The following MTMR1 variants were observed in gnomAD, a reference collection of about 807,000 sequenced individuals.
The protein encoded by MTMR1 is phosphatidylinositol-3-phosphate phosphatase MTMR1.
Under a neutral mutation model 51.6 loss-of-function variants are expected in MTMR1, and 17 were observed. The ratio of observed to expected loss-of-function variants is 0.33; its 90% CI spans 0.23 to 0.49. The LOEUF is 0.49. MTMR1 is among the 20% of genes least tolerant of loss of function. The pLI is 0.99. For missense variants in MTMR1, 386 were observed against 526.9 expected, an observed-to-expected ratio of 0.73 and a Z score of 2.62; for synonymous variants, 201 against 205.6, an observed-to-expected ratio of 0.98 and a Z score of 0.19.
chrX:150,721,423 C>T (rs1327370567), intron 4 of MTMR1, among the ~76,000 whole-genome samples: 2 of 111,184 alleles, frequency 1.8e-5, no homozygotes, highest in Non-Finnish European at 3.8e-5. Flanking sequence ...TTCTTTTGTG[C>T]GAAGGTTTTT....
chrX:150,716,461 C>T (rs989867395), intron 3 of MTMR1, among the ~76,000 whole-genome samples: 2 of 112,792 alleles, frequency 1.8e-5, no homozygotes, highest in South Asian at 3.6e-4. Context: ...ATCCATTAAT[C>T]GTTCTCCACA....
At chrX:150,712,295 A>G in intron 2 of MTMR1, 47 bp from the exon 3 acceptor site, 1 of 1,120,121 alleles carries the variant, frequency 8.9e-7, no homozygotes, top group Non-Finnish European at 1.2e-6. Flanking sequence ...TTCACAGGTC[A>G]ATAGTAACAT....
intron 5 of MTMR1, 73 bp downstream of exon 5, chrX:150,727,382 GT>G: frequency 1.1e-6 from 1 of 901,075 alleles, no homozygotes; most frequent in East Asian, 3.3e-5. Context: ...AAAGTAAAAA[GT>G]CCCCTGAAAT....
Position 150,698,435 on chromosome X carries a change from C to G in MTMR1, c.147-760C>G, listed in dbSNP as rs185041905. Among the ~76,000 whole-genome samples, 357 of 111,708 alleles carry G rather than the reference C, an allele frequency of 3.2e-3. 2 individuals are homozygous for G. The highest frequency in any genetic ancestry group is 0.011 in the African/African-American group (338 of 30,702). On this transcript the variant is annotated intron_variant, in intron 1 of 15. Transcript: ENST00000445323. ...AAATCTCATGTTCAGCTTTACTTTT[C>G]TGAGTCACTTTGCTTCACTCAAAAG...
rs782603841 is a variant in MTMR1 at position 150,730,568 on chromosome X, G to C, written c.701G>C (p.Gly234Ala). The change falls in exon 8 of 16, where the codon GGC becomes GCC. Residue 234 changes from glycine (G) to alanine (A), a missense_variant. Coordinates refer to ENST00000445323, the MANE Select transcript of MTMR1 (RefSeq NM_001306144.3). ...FSYKEKFPIN[G>A]WKVYDPVSEY... ...TATAAAGAAAAATTTCCAATTAATGGCTGGAAAGTTTATGATCCAGTATCT... is the reference window on the plus strand; with the variant it reads ...TATAAAGAAAAATTTCCAATTAATGCCTGGAAAGTTTATGATCCAGTATCT... The C allele has an allele frequency of 8.5e-7, 1 of 1,170,460 alleles. No homozygotes were observed. The highest frequency in any genetic ancestry group is 1.8e-5 in the African/African-American group (1 of 56,861).
intron 3 of MTMR1, chrX:150,712,950 C>G: frequency 1.1e-6 from 1 of 945,253 alleles, no homozygotes; most frequent in South Asian, 2.3e-5. Flanking sequence ...TCAGAACATT[C>G]ATAAAGCAAG....
At chrX:150,696,196 T>C (rs1440043760) in intron 1 of MTMR1, among the ~76,000 whole-genome samples, 4 of 111,092 alleles carry the variant, frequency 3.6e-5, no homozygotes, top group Non-Finnish European at 7.6e-5. Flanking sequence ...TAAGTAGTTA[T>C]TGACACCAGG....
chrX:150,709,082 A>G (rs1335949932), intron 2 of MTMR1, among the ~76,000 whole-genome samples: 1 of 112,170 alleles, frequency 8.9e-6, no homozygotes, highest in Non-Finnish European at 1.9e-5. Context: ...GACTCCCCTC[A>G]TTTTATGTGT....
chrX:150,710,417 AGT>A (rs1325100618), intron 2 of MTMR1, among the ~76,000 whole-genome samples: 1 of 111,387 alleles, frequency 9.0e-6, no homozygotes, highest in African/African-American at 3.3e-5. Flanking sequence ...GCTGGAGTGC[AGT>A]GTGTGATCTC....
chrX:150,718,583 C>CTTTGTTT (rs1778071554), intron 3 of MTMR1, 42 bp from the exon 4 acceptor site: 1 of 278,395 alleles, frequency 3.6e-6, no homozygotes, highest in Admixed American at 2.1e-4. Context: ...CGTTTGGTGT[C>CTTTGTTT]CTTTTTTTTT....
chrX:150,745,081 A>G (rs1190409098), intron 13 of MTMR1, among the ~76,000 whole-genome samples: 1 of 112,781 alleles, frequency 8.9e-6, no homozygotes, highest in Non-Finnish European at 1.9e-5. Flanking sequence ...AAAGTAGGCC[A>G]TAAGGCCATA....
At chrX:150,711,856 G>A (rs887249757) in intron 2 of MTMR1, among the ~76,000 whole-genome samples, 2 of 111,997 alleles carry the variant, frequency 1.8e-5, no homozygotes, top group Non-Finnish European at 3.8e-5. Flanking sequence ...TACCATCAAT[G>A]CAATATAGCT....
intron 2 of MTMR1, among the ~76,000 whole-genome samples, chrX:150,708,279 A>G (rs782132649): frequency 1.2e-4 from 14 of 112,119 alleles, no homozygotes; most frequent in South Asian, 3.7e-4. Flanking sequence ...ATGTGGTTCT[A>G]CAATGATCCC....
chrX:150,721,739 C>G (rs1557416582), intron 4 of MTMR1, among the ~76,000 whole-genome samples: 1 of 110,958 alleles, frequency 9.0e-6, no homozygotes, highest in Non-Finnish European at 1.9e-5. Context: ...TTATTATTTT[C>G]TTTGTTTTCT....
In MTMR1 at chrX:150,763,232, G is replaced by GTA. The variant is rs781928676; in HGVS notation, c.*505_*506dup. On this transcript the variant is annotated 3_prime_UTR_variant, in exon 16 of 16. Coordinates refer to ENST00000445323, the MANE Select transcript of MTMR1 (RefSeq NM_001306144.3). ...ACAATTACTGTTGTGTACATATAAG[G>GTA]TATTTTTAGAGAAGAGAAACAGGCC... The GTA allele has an allele frequency of 3.5e-5, 4 of 113,577 alleles. No individual in the cohort carries two copies. Among genetic ancestry groups the GTA allele is most frequent in the African/African-American group, 1.3e-4 (4 of 31,043 alleles). 9.4% of individuals were successfully genotyped at this position (113,577 alleles called of 1,213,427 possible). A position where few individuals can be genotyped will look rare whatever the true frequency, so the allele number is the denominator to read the frequency against.
At position 150,738,477 on chromosome X, in the gene MTMR1, C is replaced by A. The variant is rs782768355; in HGVS notation, c.1473+1029C>A. Among the ~76,000 whole-genome samples the A allele has an allele frequency of 5.3e-5, 6 of 112,382 alleles. No individual in the cohort carries two copies. In the South Asian group the frequency reaches 1.5e-3, roughly 28 times the overall value. The stretch of plus-strand genomic sequence containing the variant: ...TTTTGCCATAACAAGGTACCACAGA[C>A]TGCATGGTTGAAACAACAGAAATTA... On this transcript the variant is annotated intron_variant, in intron 12 of 15. Transcript: ENST00000445323.
At chrX:150,693,322 C>T, upstream of MTMR1, 1 of 348,215 alleles carries the variant, frequency 2.9e-6, no homozygotes, top group Non-Finnish European at 3.7e-6. Flanking sequence ...CCCCGCGCGC[C>T]GCCCTCCCCG....
intron 15 of MTMR1, among the ~76,000 whole-genome samples, chrX:150,762,278 G>A (rs1328500793): frequency 5.3e-5 from 6 of 112,397 alleles, no homozygotes; most frequent in South Asian, 3.7e-4. Flanking sequence ...CAGTGTCCCC[G>A]TGCCTGCTTG....
intron 2 of MTMR1, among the ~76,000 whole-genome samples, chrX:150,704,653 C>G (rs782760846): frequency 2.1e-4 from 24 of 111,935 alleles, no homozygotes; most frequent in Non-Finnish European, 3.4e-4. Flanking sequence ...TAACGAGGAG[C>G]CCTCCACTCT....
Sources: allele counts gnomAD v4.1 joint callset (sites outside exome capture counted in the v4.1 genomes callset), GRCh38; gene constraint gnomAD v4.1.1; transcripts MANE v1.5; gene names NCBI Gene and HGNC (gene_info 2026-07-23, HGNC 2026-07-21).